The following RECK variants were observed in gnomAD, a reference collection of about 807,000 sequenced individuals.
The protein encoded by RECK is reversion inducing cysteine rich protein with kazal motifs, also known as reversion-inducing cysteine-rich protein with Kazal motifs.
Under a neutral mutation model 115.1 loss-of-function variants are expected in RECK, and 69 were observed. The observed-to-expected ratio is 0.60, with a 90% CI of 0.49 to 0.73. RECK has a LOEUF of 0.73. Ranked by LOEUF, RECK falls within the 30% of genes least tolerant of loss-of-function variation. The pLI, the probability that RECK is intolerant of heterozygous loss-of-function variation, is 0.00. For missense variants in RECK, 1,047 were observed against 1,203.7 expected (o/e 0.87, Z 1.93); for synonymous variants, 414 against 419.7 (o/e 0.99, Z 0.17).
rs1823222281 is a variant in RECK at position 36,093,084 on chromosome 9, A to C, written c.1085+1741A>C. Among the ~76,000 whole-genome samples, 3 of 152,178 alleles carry C rather than the reference A, an allele frequency of 2.0e-5. 1 individual carries two copies. In the South Asian group the frequency reaches 6.2e-4, roughly 32 times the overall value. On this transcript the variant is annotated intron_variant, in intron 10 of 20. Coordinates refer to ENST00000377966, the MANE Select transcript of RECK (RefSeq NM_021111.3). ...TATGCCAAGTTAGAAGGGCCTAGTA[A>C]ACCCCATAAGGGCCAAACCTTGGGA...
intron 6 of RECK, 141 bp downstream of exon 6, chr9:36,065,765 C>T (rs1384843100): frequency 1.8e-5 from 10 of 559,554 alleles, no homozygotes; most frequent in Non-Finnish European, 2.8e-5. Flanking sequence ...ACAAAAATGT[C>T]ATTTACTGTG....
chr9:36,043,645 A>C (rs934845835), intron 1 of RECK, among the ~76,000 whole-genome samples: 1 of 151,750 alleles, frequency 6.6e-6, no homozygotes, highest in Admixed American at 6.6e-5. Flanking sequence ...GAATTTTTAC[A>C]GTTTCAGGTC....
chr9:36,096,966 ATCCAGACTACATAAATAAC>A (rs1823369774), intron 10 of RECK, among the ~76,000 whole-genome samples: 1 of 152,038 alleles, frequency 6.6e-6, no homozygotes. Context: ...GAGCTTGTGT[ATCCAGACTACATAAATAAC>A]TCCTACAACA....
intron 6 of RECK, among the ~76,000 whole-genome samples, chr9:36,079,122 C>T (rs1267184890): frequency 1.3e-5 from 2 of 152,052 alleles, no homozygotes; most frequent in Non-Finnish European, 2.9e-5. Flanking sequence ...CTCGAACTCC[C>T]GACCTCAGGT....
intron 1 of RECK, among the ~76,000 whole-genome samples, chr9:36,039,416 G>A (rs189606272): frequency 1.3e-5 from 2 of 152,198 alleles, no homozygotes; most frequent in African/African-American, 2.4e-5. Flanking sequence ...CTTCTTAACC[G>A]CATCCAAGAT....
At chr9:36,104,292 G>GTGTGCATATATATATA (rs34438663) in intron 12 of RECK, among the ~76,000 whole-genome samples, 1 of 43,884 alleles carries the variant, frequency 2.3e-5, no homozygotes, top group African/African-American at 9.0e-5. Context: ...GTGTGTGTGT[G>GTGTGCATATATATATA]TATATATATA....
At chr9:36,076,394 C>T (rs1004995045) in intron 6 of RECK, among the ~76,000 whole-genome samples, 1 of 152,168 alleles carries the variant, frequency 6.6e-6, no homozygotes, top group African/African-American at 2.4e-5. Context: ...CAGGTGCACC[C>T]AAAGGGTCTT....
At chr9:36,096,161 T>G (rs1823330676) in intron 10 of RECK, among the ~76,000 whole-genome samples, 1 of 149,316 alleles carries the variant, frequency 6.7e-6, no homozygotes, top group South Asian at 2.1e-4. Context: ...GGCTTGAGCC[T>G]GGGAGGTGGA....
intron 12 of RECK, among the ~76,000 whole-genome samples, chr9:36,104,326 A>ATATATT (rs1267835561): frequency 3.6e-5 from 1 of 27,516 alleles, no homozygotes; most frequent in Non-Finnish European, 5.7e-5. Flanking sequence ...ATATATATAT[A>ATATATT]TTTTTTTTTT....
intron 12 of RECK, among the ~76,000 whole-genome samples, chr9:36,104,520 T>C (rs530141314): frequency 6.1e-5 from 9 of 147,576 alleles, no homozygotes; most frequent in African/African-American, 2.0e-4. Context: ...GGGGGGGCTT[T>C]TTTTTTTGAG....
At chr9:36,043,131 T>A (rs1199609041) in intron 1 of RECK, among the ~76,000 whole-genome samples, 1 of 144,544 alleles carries the variant, frequency 6.9e-6, no homozygotes, top group Non-Finnish European at 1.5e-5. Flanking sequence ...TTCACGCCAT[T>A]CTCCTGCCTC....
At chr9:36,099,521 A>AT in intron 10 of RECK, among the ~76,000 whole-genome samples, 1 of 152,174 alleles carries the variant, frequency 6.6e-6, no homozygotes, top group South Asian at 2.1e-4. Flanking sequence ...TTTTGCTTAA[A>AT]TTTTTTTCAA....
intron 7 of RECK, among the ~76,000 whole-genome samples, chr9:36,081,827 T>C (rs975786003): frequency 4.9e-4 from 61 of 124,274 alleles, no homozygotes; most frequent in African/African-American, 1.8e-3. Flanking sequence ...AGTGAGACTG[T>C]GTCTCAAAAA....
chr9:36,099,010 G>T (rs1322850580), intron 10 of RECK, among the ~76,000 whole-genome samples: 1 of 152,094 alleles, frequency 6.6e-6, no homozygotes, highest in Non-Finnish European at 1.5e-5. Flanking sequence ...CAGATCGCTT[G>T]GGCCCAGGAG....
intron 6 of RECK, among the ~76,000 whole-genome samples, chr9:36,071,346 G>T (rs1822222293): frequency 6.6e-6 from 1 of 152,122 alleles, no homozygotes; most frequent in South Asian, 2.1e-4. Flanking sequence ...AATTCCCAGA[G>T]ACTGGCAATG....
chr9:36,093,398 A>C (rs1823232460), intron 10 of RECK, among the ~76,000 whole-genome samples: 1 of 144,898 alleles, frequency 6.9e-6, no homozygotes, highest in East Asian at 1.9e-4. Flanking sequence ...TAGCAGATAA[A>C]GAATCTAATT....
At chr9:36,117,212 A>C in intron 17 of RECK, 35 bp downstream of exon 17, 1 of 1,527,436 alleles carries the variant, frequency 6.5e-7, no homozygotes, top group Non-Finnish European at 8.9e-7. Flanking sequence ...AAAGTACACT[A>C]CGGATAAAAT....
At chr9:36,044,296 A>G (rs1385426528) in intron 1 of RECK, among the ~76,000 whole-genome samples, 1 of 151,886 alleles carries the variant, frequency 6.6e-6, no homozygotes, top group Non-Finnish European at 1.5e-5. Flanking sequence ...GTTGGTGTAT[A>G]GCAGTGCTAC....
chr9:36,065,433 A>G (rs1424699293), intron 5 of RECK, 144 bp from the exon 6 acceptor site: 2 of 548,000 alleles, frequency 3.6e-6, no homozygotes, highest in Non-Finnish European at 2.9e-6. Context: ...TATTTTAGGA[A>G]ATTTAAAATA....
Sources: allele counts gnomAD v4.1 joint callset (sites outside exome capture counted in the v4.1 genomes callset), GRCh38; gene constraint gnomAD v4.1.1; transcripts MANE v1.5; gene names NCBI Gene and HGNC (gene_info 2026-07-23, HGNC 2026-07-21).